CHRM3: variants seen among roughly 807,000 people sequenced by gnomAD.
The protein encoded by CHRM3 is cholinergic receptor muscarinic 3.
A neutral mutation model predicts 41.8 loss-of-function variants in CHRM3; 11 were observed. The observed-to-expected ratio is 0.26, with a 90% CI of 0.17 to 0.44. CHRM3 has a LOEUF of 0.44. CHRM3 is among the 20% of genes least tolerant of loss of function. The pLI is 1.00. For synonymous variants in CHRM3, 297 were observed against 301.4 expected (o/e 0.99, Z 0.15); for missense variants, 571 against 745.4 (o/e 0.77, Z 2.72).
At chr1:239,554,375 T>C (rs1170949595) in intron 3 of CHRM3, among the ~76,000 whole-genome samples, 1 of 152,036 alleles carries the variant, frequency 6.6e-6, no homozygotes, top group African/African-American at 2.4e-5. Context: ...ATAGACAAAG[T>C]GCCTGTCCTT....
At chr1:239,620,728 A>G (rs1668265182) in intron 3 of CHRM3, among the ~76,000 whole-genome samples, 1 of 152,126 alleles carries the variant, frequency 6.6e-6, no homozygotes, top group Non-Finnish European at 1.5e-5. Context: ...TTATAATAAG[A>G]AAAAGGAAGC....
chr1:239,677,507 G>C (rs999670673), intron 4 of CHRM3, among the ~76,000 whole-genome samples: 1 of 152,178 alleles, frequency 6.6e-6, no homozygotes, highest in Admixed American at 6.5e-5. Context: ...AATTTTGGGG[G>C]CTGGGAAGTC....
intron 1 of CHRM3, among the ~76,000 whole-genome samples, chr1:239,390,165 A>T (rs543136114): frequency 6.6e-6 from 1 of 152,352 alleles, no homozygotes; most frequent in Non-Finnish European, 1.5e-5. Flanking sequence ...GCTTAATAAA[A>T]TTGTAATCAA....
intron 1 of CHRM3, among the ~76,000 whole-genome samples, chr1:239,427,649 T>C (rs1662498205): frequency 6.6e-6 from 1 of 151,282 alleles, no homozygotes; most frequent in South Asian, 2.1e-4. Flanking sequence ...TCAAGAAGGG[T>C]GGATGGTGGA....
At chr1:239,789,696 T>G (rs1669184693) in intron 5 of CHRM3, among the ~76,000 whole-genome samples, 1 of 152,120 alleles carries the variant, frequency 6.6e-6, no homozygotes, top group African/African-American at 2.4e-5. Flanking sequence ...CAACTTCAGG[T>G]AGGGCAATAA....
intron 6 of CHRM3, among the ~76,000 whole-genome samples, chr1:239,848,480 C>T (rs188490811): frequency 2.6e-4 from 40 of 152,038 alleles, no homozygotes; most frequent in African/African-American, 8.7e-4. Flanking sequence ...TACAATTCAC[C>T]GACTGCTTAG....
intron 1 of CHRM3, among the ~76,000 whole-genome samples, chr1:239,451,875 CCT>C (rs1411558516): frequency 6.6e-6 from 1 of 151,852 alleles, no homozygotes; most frequent in Non-Finnish European, 1.5e-5. Flanking sequence ...TTTTAGAAAA[CCT>C]ATTTCATTAT....
intron 4 of CHRM3, among the ~76,000 whole-genome samples, chr1:239,652,817 T>A (rs1558422033): frequency 6.6e-6 from 1 of 152,008 alleles, no homozygotes; most frequent in Non-Finnish European, 1.5e-5. Flanking sequence ...GCCTATCTCA[T>A]AAAGTCGTGA....
At chr1:239,741,086 G>A (rs1230147798) in intron 5 of CHRM3, among the ~76,000 whole-genome samples, 1 of 152,028 alleles carries the variant, frequency 6.6e-6, no homozygotes, top group Non-Finnish European at 1.5e-5. Context: ...TAGGTTCATG[G>A]CTAAGGTTCC....
At chr1:239,396,304 C>A (rs2102946588) in intron 1 of CHRM3, among the ~76,000 whole-genome samples, 1 of 152,152 alleles carries the variant, frequency 6.6e-6, no homozygotes, top group East Asian at 1.9e-4. Flanking sequence ...GCAGAGTCTT[C>A]TTCATAAATG....
At chr1:239,547,043 G>A (rs1298962573) in intron 3 of CHRM3, among the ~76,000 whole-genome samples, 1 of 152,032 alleles carries the variant, frequency 6.6e-6, no homozygotes, top group Non-Finnish European at 1.5e-5. Context: ...TATATAACCA[G>A]GCTTATGCAA....
At chr1:239,863,595 C>G (rs1675820941) in intron 6 of CHRM3, among the ~76,000 whole-genome samples, 1 of 152,192 alleles carries the variant, frequency 6.6e-6, no homozygotes, top group Non-Finnish European at 1.5e-5. Context: ...TCCTCAGGGT[C>G]AGGCCATGAG....
intron 6 of CHRM3, chr1:239,897,997 C>G (rs1679154975): frequency 1.3e-5 from 2 of 150,722 alleles, no homozygotes; most frequent in South Asian, 4.2e-4. Flanking sequence ...CAAGATAAAT[C>G]AACTTTCTAA....
At chr1:239,646,954 G>T (rs976917253) in intron 4 of CHRM3, among the ~76,000 whole-genome samples, 42 of 152,264 alleles carry the variant, frequency 2.8e-4, no homozygotes, top group African/African-American at 9.6e-4. Context: ...GGAAAACTAC[G>T]AATGGGAGTG....
chr1:239,631,624 A>G (rs948241743), intron 3 of CHRM3, among the ~76,000 whole-genome samples: 1 of 152,188 alleles, frequency 6.6e-6, no homozygotes, highest in African/African-American at 2.4e-5. Flanking sequence ...TAATGGAGGT[A>G]CTTTCCTAAG....
chr1:239,823,776 G>T (rs1178414364), intron 5 of CHRM3, among the ~76,000 whole-genome samples: 1 of 151,992 alleles, frequency 6.6e-6, no homozygotes, highest in Non-Finnish European at 1.5e-5. Context: ...CTTTTGTGGT[G>T]TCTTTTTTAA....
At chr1:239,864,189 C>A (rs969005370) in intron 6 of CHRM3, among the ~76,000 whole-genome samples, 1 of 151,906 alleles carries the variant, frequency 6.6e-6, no homozygotes, top group Admixed American at 6.6e-5. Context: ...GAGACCCTGC[C>A]CCCCCACCAA....
intron 5 of CHRM3, among the ~76,000 whole-genome samples, chr1:239,731,571 G>A (rs1483476391): frequency 6.6e-6 from 1 of 151,932 alleles, no homozygotes; most frequent in Non-Finnish European, 1.5e-5. Context: ...CAAGAGAAAG[G>A]AAGAGGGAGA....
At chr1:239,721,828 CAAACA>C (rs549404424) in intron 5 of CHRM3, among the ~76,000 whole-genome samples, 1 of 151,672 alleles carries the variant, frequency 6.6e-6, no homozygotes, top group Non-Finnish European at 1.5e-5. Context: ...GAGAAAAATA[CAAACA>C]AAACAAAGCA....
Sources: gnomAD v4.1 joint callset for allele counts (sites outside exome capture counted in the v4.1 genomes callset) on GRCh38, gnomAD v4.1.1 for gene constraint, MANE v1.5 for transcripts, NCBI Gene and HGNC (gene_info 2026-07-23, HGNC 2026-07-21) for gene names.